IMMT: variants seen among roughly 807,000 people sequenced by gnomAD.
IMMT encodes the protein inner membrane mitochondrial protein, also known as MICOS complex subunit MIC60.
In IMMT, 40 loss-of-function variants were observed where a neutral mutation model predicts 92.7. That is an observed-to-expected ratio of 0.43 (90% confidence interval 0.34 to 0.56). The LOEUF is 0.56. IMMT is among the 20% of genes least tolerant of loss of function. IMMT has a pLI of 0.03. For synonymous variants in IMMT, 322 were observed against 336.1 expected, an observed-to-expected ratio of 0.96 and a Z score of 0.46; for missense variants, 831 against 912.1, an observed-to-expected ratio of 0.91 and a Z score of 1.14.
At chr2:86,182,914 C>A (rs28483806) in intron 1 of IMMT, among the ~76,000 whole-genome samples, 6,346 of 151,488 alleles carry the variant, frequency 0.042, 466 homozygotes, top group African/African-American at 0.15. Context: ...ACAAAAAAAA[C>A]CCAGTATTTC....
intron 1 of IMMT, among the ~76,000 whole-genome samples, chr2:86,190,424 G>C (rs1336167207): frequency 1.4e-4 from 21 of 152,164 alleles, no homozygotes; most frequent in Non-Finnish European, 1.3e-4. Context: ...TTATAAGCAG[G>C]AAAGACTACT....
Position 86,195,386 on chromosome 2 carries a change from G to T in IMMT, c.-4C>A. Reference sequence around the variant, plus strand: ...ATAACTGACAGGCCCGCAGCATCTCGGTCAAGCGGACGGCGCTGCTGGTGG... The same window carrying T: ...ATAACTGACAGGCCCGCAGCATCTCTGTCAAGCGGACGGCGCTGCTGGTGG... On this transcript the variant is annotated 5_prime_UTR_variant, in exon 1 of 15. Transcript: ENST00000410111. 1 of 1,548,618 alleles carries T rather than the reference G, an allele frequency of 6.5e-7. No homozygotes were observed. Among genetic ancestry groups the T allele is most frequent in the Non-Finnish European group, 8.7e-7 (1 of 1,146,028 alleles).
intron 3 of IMMT, among the ~76,000 whole-genome samples, chr2:86,175,722 T>C (rs1190937820): frequency 5.9e-5 from 2 of 33,974 alleles, no homozygotes; most frequent in African/African-American, 1.8e-4. Context: ...CTTGAGTAAA[T>C]GGTAAAAAAA....
chr2:86,153,522 A>T, intron 11 of IMMT, 38 bp downstream of exon 11: 1 of 1,322,212 alleles, frequency 7.6e-7, no homozygotes, highest in Non-Finnish European at 1.0e-6. Context: ...AATACCCAAA[A>T]CAAAAGACTT....
At chr2:86,180,480 G>A (rs1366350136) in intron 2 of IMMT, among the ~76,000 whole-genome samples, 1 of 151,188 alleles carries the variant, frequency 6.6e-6, no homozygotes, top group African/African-American at 2.4e-5. Flanking sequence ...TGGCCAGGCT[G>A]GTCTCAAACT....
intron 2 of IMMT, among the ~76,000 whole-genome samples, chr2:86,180,301 T>C (rs1187352554): frequency 6.6e-6 from 1 of 152,098 alleles, no homozygotes; most frequent in East Asian, 1.9e-4. Flanking sequence ...GTCTTGCTCT[T>C]GTCCCTCAGG....
At chr2:86,157,205 A>G (rs1431186168) in intron 10 of IMMT, among the ~76,000 whole-genome samples, 1 of 152,180 alleles carries the variant, frequency 6.6e-6, no homozygotes, top group Non-Finnish European at 1.5e-5. Context: ...CTCATAAATC[A>G]TACTGTCACT....
intron 12 of IMMT, among the ~76,000 whole-genome samples, chr2:86,148,454 A>C (rs1675203036): frequency 6.7e-6 from 1 of 150,364 alleles, no homozygotes; most frequent in Non-Finnish European, 1.5e-5. Flanking sequence ...TAAAAATACA[A>C]AAAAAAAATT....
At chr2:86,188,386 TACACGCACAC>T (rs1026851448) in intron 1 of IMMT, among the ~76,000 whole-genome samples, 3 of 152,028 alleles carry the variant, frequency 2.0e-5, no homozygotes, top group African/African-American at 4.8e-5. Context: ...TGCATACACA[TACACGCACAC>T]ACGCGCACAC....
At chr2:86,172,021 A>G (rs966930279) in intron 4 of IMMT, among the ~76,000 whole-genome samples, 3 of 143,788 alleles carry the variant, frequency 2.1e-5, no homozygotes, top group Admixed American at 7.3e-5. Flanking sequence ...GCTGGAGAAT[A>G]GTGGCACTAT....
chr2:86,184,864 T>G (rs1184100000), intron 1 of IMMT, among the ~76,000 whole-genome samples: 2 of 152,164 alleles, frequency 1.3e-5, no homozygotes, highest in Non-Finnish European at 2.9e-5. Flanking sequence ...TAGCTGTAGC[T>G]ACACCTAATG....
intron 6 of IMMT, among the ~76,000 whole-genome samples, chr2:86,168,795 A>C (rs1282596289): frequency 1.3e-5 from 2 of 152,230 alleles, no homozygotes; most frequent in Non-Finnish European, 2.9e-5. Context: ...AAAACTAATA[A>C]GGAGAAAATA....
intron 6 of IMMT, among the ~76,000 whole-genome samples, chr2:86,167,095 C>CA (rs564283707): frequency 0.018 from 1,905 of 103,012 alleles, 23 homozygotes; most frequent in Middle Eastern, 0.052. Context: ...GAGACTCTCT[C>CA]AAAAAAAAAA....
chr2:86,163,292 G>A (rs1212767822), intron 7 of IMMT, among the ~76,000 whole-genome samples: 1 of 152,162 alleles, frequency 6.6e-6, no homozygotes, highest in African/African-American at 2.4e-5. Context: ...TCTCCAGCCT[G>A]GGTGACAGAG....
chr2:86,191,604 C>G (rs1309696494), intron 1 of IMMT, among the ~76,000 whole-genome samples: 1 of 151,932 alleles, frequency 6.6e-6, no homozygotes. Context: ...TGAGTAGAGT[C>G]CTTACAATAA....
chr2:86,169,925 T>C (rs1676967959), intron 6 of IMMT, among the ~76,000 whole-genome samples: 1 of 151,728 alleles, frequency 6.6e-6, no homozygotes, highest in African/African-American at 2.4e-5. Context: ...AACTGAAACT[T>C]AAAAAGGAAT....
chr2:86,192,990 C>G (rs1264246109), intron 1 of IMMT: 1 of 154,000 alleles, frequency 6.5e-6, no homozygotes, highest in Admixed American at 6.6e-5. Flanking sequence ...CTCCAAAGAG[C>G]ATGACCTCAT....
At position 86,144,254 on chromosome 2, in the gene IMMT, A is replaced by C. The variant is rs1674817869; in HGVS notation, c.*14T>G. On this transcript the variant is annotated 3_prime_UTR_variant, in exon 15 of 15. Transcript: ENST00000410111. The stretch of plus-strand genomic sequence containing the variant: ...TTGACATGAAATATGACTTTATGAA[A>C]ATCTTCCTAAACCTCACTCTGGCTG... 1 of 1,610,986 alleles carries C rather than the reference A, an allele frequency of 6.2e-7. No individual in the cohort carries two copies. The highest frequency in any genetic ancestry group is 2.2e-5 in the East Asian group (1 of 44,816).
At chr2:86,191,747 C>CAAAAAAAAAAAAA (rs572412565) in intron 1 of IMMT, among the ~76,000 whole-genome samples, 4 of 116,848 alleles carry the variant, frequency 3.4e-5, no homozygotes, top group Admixed American at 9.1e-5. Context: ...ACTAAAAATA[C>CAAAAAAAAAAAAA]AAAAAAAAAA....
Sources: gnomAD v4.1 joint callset for allele counts (sites outside exome capture counted in the v4.1 genomes callset) on GRCh38, gnomAD v4.1.1 for gene constraint, MANE v1.5 for transcripts, NCBI Gene and HGNC (gene_info 2026-07-23, HGNC 2026-07-21) for gene names.